The following NSG2 variants were observed in gnomAD, a reference collection of about 807,000 sequenced individuals.
NSG2 encodes the protein neuronal vesicle trafficking associated 2.
A neutral mutation model predicts 16.9 loss-of-function variants in NSG2; 4 were observed. The observed-to-expected ratio is 0.24, with a 90% confidence interval of 0.12 to 0.54. The LOEUF (loss-of-function observed/expected upper bound fraction) is 0.54, where lower values mean the gene tolerates loss of function less well. NSG2 is among the 20% of genes least tolerant of loss of function. NSG2 has a pLI of 0.95. For synonymous variants in NSG2, 98 were observed against 88.7 expected (o/e 1.11, Z -0.59); for missense variants, 179 against 221.1 (o/e 0.81, Z 1.21).
intron 3 of NSG2, chr5:174,066,081 C>T (rs1006691502): frequency 8.9e-5 from 34 of 382,354 alleles, no homozygotes; most frequent in African/African-American, 6.2e-4. Flanking sequence ...GAAGCAGCTG[C>T]GTATGTGGCC....
intron 3 of NSG2, among the ~76,000 whole-genome samples, chr5:174,095,462 G>A (rs1363039168): frequency 1.3e-5 from 2 of 152,134 alleles, no homozygotes; most frequent in East Asian, 3.9e-4. Context: ...GCTTGTGGAT[G>A]CATCACTCAA....
intron 2 of NSG2, among the ~76,000 whole-genome samples, chr5:174,049,040 T>TA (rs763585577): frequency 5.4e-4 from 82 of 151,044 alleles, no homozygotes; most frequent in African/African-American, 9.0e-4. Flanking sequence ...AAGTGCCTGG[T>TA]AAAAAAAAAC....
chr5:174,080,527 C>CTCTCTT (rs1760437922), intron 3 of NSG2, among the ~76,000 whole-genome samples: 1 of 84,900 alleles, frequency 1.2e-5, no homozygotes, highest in Non-Finnish European at 2.5e-5. Flanking sequence ...TTCTTTCTTT[C>CTCTCTT]TCTCTCTCTC....
intron 2 of NSG2, among the ~76,000 whole-genome samples, chr5:174,057,822 C>T (rs1272453371): frequency 2.6e-5 from 4 of 152,266 alleles, no homozygotes; most frequent in South Asian, 2.1e-4. Context: ...GCTGGCCTCC[C>T]GGATGTCTTC....
chr5:174,097,250 T>C (rs1760811669), intron 3 of NSG2, among the ~76,000 whole-genome samples: 1 of 152,064 alleles, frequency 6.6e-6, no homozygotes, highest in South Asian at 2.1e-4. Context: ...TGAAGAGGAA[T>C]CTTGGGTGCA....
At chr5:174,060,336 G>A (rs1760030128) in intron 2 of NSG2, among the ~76,000 whole-genome samples, 1 of 152,002 alleles carries the variant, frequency 6.6e-6, no homozygotes, top group African/African-American at 2.4e-5. Flanking sequence ...AAAATAGAGA[G>A]GGAGCGAGAA....
chr5:174,083,635 T>C lies in NSG2; in HGVS notation c.213+19320T>C, dbSNP rs1391703729. Among the ~76,000 whole-genome samples the C allele has an allele frequency of 5.9e-5, 9 of 152,328 alleles. No individual in the cohort carries two copies. In the South Asian group the frequency reaches 1.5e-3, roughly 25 times the overall value. On this transcript the variant is annotated intron_variant, in intron 3 of 4. Transcript: ENST00000303177. The stretch of plus-strand genomic sequence containing the variant: ...AAGCTTCCTTGCAAAGCTCCTTTTT[T>C]CTTTTTAGGTCATAATGAGCTGGTT...
intron 2 of NSG2, among the ~76,000 whole-genome samples, chr5:174,047,168 T>C (rs754550249): frequency 6.6e-6 from 1 of 152,236 alleles, no homozygotes; most frequent in Admixed American, 6.5e-5. Context: ...ACTAATAAGC[T>C]TCTAGGTGGT....
intron 3 of NSG2, among the ~76,000 whole-genome samples, chr5:174,097,360 CAGG>C (rs2113471950): frequency 1.3e-5 from 2 of 151,950 alleles, no homozygotes; most frequent in Non-Finnish European, 2.9e-5. Context: ...GGGAAGAGAA[CAGG>C]AGGAGACATG....
At chr5:174,087,801 A>G (rs1760656420) in intron 3 of NSG2, among the ~76,000 whole-genome samples, 1 of 151,860 alleles carries the variant, frequency 6.6e-6, no homozygotes, top group Non-Finnish European at 1.5e-5. Flanking sequence ...AAAAAAAAAA[A>G]TTGTTAACAA....
chr5:174,081,817 G>T (rs960739202), intron 3 of NSG2, among the ~76,000 whole-genome samples: 2 of 149,998 alleles, frequency 1.3e-5, no homozygotes, highest in Non-Finnish European at 3.0e-5. Flanking sequence ...ATGAACCCGG[G>T]AGGCAGAGCT....
At chr5:174,104,387 G>A in intron 4 of NSG2, 49 bp downstream of exon 4, 1 of 1,327,942 alleles carries the variant, frequency 7.5e-7, no homozygotes, top group Non-Finnish European at 1.1e-6. Context: ...TCAGTTAGAG[G>A]GTTGATCAAT....
At chr5:174,098,901 C>T (rs924872156) in intron 3 of NSG2, among the ~76,000 whole-genome samples, 8 of 152,078 alleles carry the variant, frequency 5.3e-5, no homozygotes, top group Admixed American at 4.6e-4. Context: ...CTGTTTATCG[C>T]GAGGCTCAGG....
intron 3 of NSG2, among the ~76,000 whole-genome samples, chr5:174,095,455 T>C (rs2113470099): frequency 1.3e-5 from 2 of 152,248 alleles, no homozygotes; most frequent in South Asian, 2.1e-4. Flanking sequence ...TTCCCAGGCT[T>C]GTGGATGCAT....
rs758314275 is a variant in NSG2, at chr5:174,107,633, G to C, written c.*128G>C. ...GGCGGGGGCGGGGCAGGGCAGGGTG[G>C]GGGGAAGAACGCACCAAAAACGTGG... is the stretch of plus-strand genomic sequence containing the variant. On this transcript the variant is annotated 3_prime_UTR_variant, in exon 5 of 5. Transcript: ENST00000303177. The surrounding 1 kb of genome is among the most constrained non-coding windows in gnomAD (Gnocchi z 4.5). The C allele has an allele frequency of 9.8e-6, 8 of 815,220 alleles. No individual in the cohort carries two copies. Among genetic ancestry groups the C allele is most frequent in the South Asian group, 7.2e-5 (5 of 69,020 alleles). 50.5% of individuals were successfully genotyped at this position (815,220 alleles called of 1,614,324 possible). A position where few individuals can be genotyped will look rare whatever the true frequency, so the allele number is the denominator to read the frequency against.
chr5:174,064,519 G>C (rs549488718), intron 3 of NSG2: 7 of 418,758 alleles, frequency 1.7e-5, no homozygotes, highest in African/African-American at 1.0e-4. Context: ...TCATATTCTC[G>C]TGTACTCTGG....
chr5:174,079,692 C>T (rs1471184411), intron 3 of NSG2, among the ~76,000 whole-genome samples: 1 of 152,182 alleles, frequency 6.6e-6, no homozygotes. Context: ...GTTGCTACCT[C>T]CCAAAGCTAC....
chr5:174,092,563 C>T (rs967638798), intron 3 of NSG2, among the ~76,000 whole-genome samples: 3 of 152,322 alleles, frequency 2.0e-5, no homozygotes, highest in East Asian at 1.9e-4. Flanking sequence ...CCAGTGGCTT[C>T]GTGCTGAGGC....
At chr5:174,046,504 A>C (rs1229830168) in intron 1 of NSG2, among the ~76,000 whole-genome samples, 1 of 152,136 alleles carries the variant, frequency 6.6e-6, no homozygotes, top group Non-Finnish European at 1.5e-5. Context: ...TGAATTCCTT[A>C]AATTTGAGTG....
Sources: allele counts gnomAD v4.1 joint callset (sites outside exome capture counted in the v4.1 genomes callset), GRCh38; gene constraint gnomAD v4.1.1; non-coding constraint Gnocchi (gnomAD v3.1); transcripts MANE v1.5; gene names NCBI Gene and HGNC (gene_info 2026-07-23, HGNC 2026-07-21).